Variants in DYNC2I1 observed in about 807,000 individuals in gnomAD.
DYNC2I1 encodes dynein 2 intermediate chain 1, also known as cytoplasmic dynein 2 intermediate chain 1.
In DYNC2I1, 89 loss-of-function variants were observed where a neutral mutation model predicts 133.4. That is an observed-to-expected ratio of 0.67 (90% CI 0.56 to 0.80). DYNC2I1 has a LOEUF of 0.80. DYNC2I1 is among the 30% of genes least tolerant of loss of function. DYNC2I1 has a pLI of 0.00. For synonymous variants in DYNC2I1, 504 were observed against 484.3 expected, an observed-to-expected ratio of 1.04 and a Z score of -0.54; for missense variants, 1,291 against 1,314.5, an observed-to-expected ratio of 0.98 and a Z score of 0.28.
At chr7:158,856,501 C>T (rs1401359331), upstream of DYNC2I1, 4 of 397,246 alleles carry the variant, frequency 1.0e-5, no homozygotes, top group Non-Finnish European at 4.4e-6. Flanking sequence ...GACCACTCGG[C>T]CTTCCCCTGC....
chr7:158,877,281 C>G (rs1054916467), intron 4 of DYNC2I1, among the ~76,000 whole-genome samples: 9 of 149,834 alleles, frequency 6.0e-5, no homozygotes, highest in African/African-American at 2.2e-4. Context: ...GCTCTCCAGG[C>G]ACCTGCGGTT....
At position 158,893,379 on chromosome 7, in the gene DYNC2I1, T is replaced by A. The variant is rs571038784; in HGVS notation, c.1059+2046T>A. ...GTAAACCCATAGTGAGTTGAAAGTA[T>A]CGTGATTTGAAAATGCGTTTAATAT... is the stretch of plus-strand genomic sequence containing the variant. On this transcript the variant is annotated intron_variant, in intron 8 of 24. Coordinates refer to ENST00000407559, the MANE Select transcript of DYNC2I1 (RefSeq NM_018051.5). 3.9e-5 allele frequency among the ~76,000 whole-genome samples: 6 copies of A among 152,328 alleles called. No homozygotes were observed. The South Asian group carries it at 1.2e-3, about 32-fold the overall frequency.
At chr7:158,877,737 G>C (rs937580627) in intron 4 of DYNC2I1, among the ~76,000 whole-genome samples, 1 of 151,946 alleles carries the variant, frequency 6.6e-6, no homozygotes, top group Non-Finnish European at 1.5e-5. Flanking sequence ...GTCTTGCTCT[G>C]TCACCCAGGT....
At chr7:158,955,194 C>CTTAA (rs1436325015) in intron 4 of DYNC2I1, among the ~76,000 whole-genome samples, 6 of 152,216 alleles carry the variant, frequency 3.9e-5, no homozygotes. Context: ...CATCCCTGGA[C>CTTAA]TTAACACTTT....
At chr7:158,922,245 ATGTT>A in intron 15 of DYNC2I1, 128 bp from the exon 16 acceptor site, 1 of 796,342 alleles carries the variant, frequency 1.3e-6, no homozygotes, top group South Asian at 1.8e-5. Flanking sequence ...CGTTTCATGT[ATGTT>A]GGTTTCGAAA....
intron 12 of DYNC2I1, 26 bp downstream of exon 12, chr7:158,911,705 T>C: frequency 6.3e-7 from 1 of 1,586,540 alleles, no homozygotes; most frequent in Non-Finnish European, 8.6e-7. Context: ...GTTAACTAAG[T>C]GATAAAATGC....
chr7:158,925,404 C>T (rs1451330625), intron 17 of DYNC2I1, among the ~76,000 whole-genome samples: 3 of 152,008 alleles, frequency 2.0e-5, no homozygotes, highest in Non-Finnish European at 2.9e-5. Context: ...TTTCCAGATG[C>T]CCTTTGAGGA....
At chr7:158,894,292 A>G (rs1270170280) in intron 8 of DYNC2I1, among the ~76,000 whole-genome samples, 1 of 152,204 alleles carries the variant, frequency 6.6e-6, no homozygotes, top group Non-Finnish European at 1.5e-5. Context: ...CCTACTGCAT[A>G]TCATACTGCA....
chr7:158,941,870 C>G, intron 23 of DYNC2I1, 55 bp from the exon 24 acceptor site: 1 of 1,536,042 alleles, frequency 6.5e-7, no homozygotes, highest in Middle Eastern at 1.7e-4. Flanking sequence ...GAGTGAGACC[C>G]TGTCTCAAAA....
At chr7:158,911,795 G>T (rs1847506942) in intron 12 of DYNC2I1, 116 bp downstream of exon 12, 2 of 1,319,158 alleles carry the variant, frequency 1.5e-6, no homozygotes, top group Non-Finnish European at 2.0e-6. Flanking sequence ...GTCTGTGAAG[G>T]ATACAAGCTT....
intron 8 of DYNC2I1, among the ~76,000 whole-genome samples, chr7:158,898,051 A>G (rs999651806): frequency 3.9e-5 from 6 of 152,158 alleles, no homozygotes; most frequent in African/African-American, 1.2e-4. Flanking sequence ...GGGATTTTCC[A>G]GTTATTTTTC....
rs1012029711 is a variant in DYNC2I1 at position 158,926,855 on chromosome 7, A to G, written c.2434-137A>G. On this transcript the variant is annotated intron_variant, in intron 19 of 24. Transcript: ENST00000407559. ...TTGTAGAGTGTTAGTTCTGAGGCTA[A>G]AGATCAGTCTCTTTTTCTGGAGCAG... 1.8e-5 allele frequency: 12 copies of G among 659,184 alleles called. No homozygotes were observed. In the African/African-American group the frequency reaches 2.2e-4, roughly 12 times the overall value. 40.8% of individuals were successfully genotyped at this position (659,184 alleles called of 1,614,324 possible). A position where few individuals can be genotyped will look rare whatever the true frequency, so the allele number is the denominator to read the frequency against.
chr7:158,849,591 G>A, the DYNC2I1 span, among the ~76,000 whole-genome samples: 2 of 152,204 alleles, frequency 1.3e-5, no homozygotes, highest in African/African-American at 4.8e-5. Context: ...TCTGTAGGCA[G>A]GTCATTTGTG....
intron 20 of DYNC2I1, among the ~76,000 whole-genome samples, chr7:158,928,138 C>CAA (rs1451452308): frequency 6.6e-6 from 1 of 152,148 alleles, no homozygotes; most frequent in African/African-American, 2.4e-5. Context: ...TGACTTGAAG[C>CAA]AAAGCTAATA....
At chr7:158,865,363 G>C (rs539818927) in intron 1 of DYNC2I1, among the ~76,000 whole-genome samples, 37 of 152,352 alleles carry the variant, frequency 2.4e-4, no homozygotes, top group African/African-American at 8.2e-4. Flanking sequence ...TGTAAACATT[G>C]TTCAGGGTTC....
intron 5 of DYNC2I1, among the ~76,000 whole-genome samples, chr7:158,881,321 TCTGCTACCCGC>T (rs1482889608): frequency 1.3e-5 from 2 of 152,210 alleles, no homozygotes; most frequent in Non-Finnish European, 2.9e-5. Context: ...CAGTGCCGGT[TCTGCTACCCGC>T]GTCTACGGTG....
intron 1 of DYNC2I1, among the ~76,000 whole-genome samples, chr7:158,862,993 G>A (rs1208337352): frequency 6.6e-6 from 1 of 152,034 alleles, no homozygotes. Context: ...TTTGCAGTGA[G>A]TGTTACAGCT....
chr7:158,941,733 G>C (rs528271942), intron 23 of DYNC2I1, among the ~76,000 whole-genome samples, 192 bp from the exon 24 acceptor site: 1 of 152,150 alleles, frequency 6.6e-6, no homozygotes, highest in Non-Finnish European at 1.5e-5. Context: ...GATATAAAAG[G>C]TGGGTGTAGT....
chr7:158,954,649 A>C (rs75424926), intron 4 of DYNC2I1, among the ~76,000 whole-genome samples: 7,285 of 152,310 alleles, frequency 0.048, 266 homozygotes, highest in Non-Finnish European at 0.067. Flanking sequence ...CTCTCTCTCT[A>C]AAAAAATTAC....
Sources: allele counts gnomAD v4.1 joint callset (sites outside exome capture counted in the v4.1 genomes callset), GRCh38; gene constraint gnomAD v4.1.1; transcripts MANE v1.5; gene names NCBI Gene and HGNC (gene_info 2026-07-23, HGNC 2026-07-21).